SEMA3E: variants seen among roughly 807,000 people sequenced by gnomAD.
SEMA3E encodes semaphorin 3E, also known as semaphorin-3E.
SEMA3E carries 49 observed loss-of-function variants against 93.6 expected under a neutral mutation model. That is an observed-to-expected ratio of 0.52 (90% CI 0.42 to 0.66). The LOEUF (loss-of-function observed/expected upper bound fraction) is 0.66. Ranked by LOEUF, SEMA3E falls within the 30% of genes least tolerant of loss-of-function variation. The probability of loss-of-function intolerance (pLI) is 0.00; values close to 1 mark genes in which losing one functional copy is unlikely to be tolerated. For missense variants in SEMA3E, 906 were observed against 964.8 expected (o/e 0.94, Z 0.81); for synonymous variants, 363 against 330.7 (o/e 1.10, Z -1.06).
chr7:83,475,876 C>T (rs1031903256), intron 2 of SEMA3E, among the ~76,000 whole-genome samples: 3 of 152,150 alleles, frequency 2.0e-5, no homozygotes, highest in Non-Finnish European at 4.4e-5. Flanking sequence ...CTAATAATGG[C>T]AATTGCTGTA....
At chr7:83,590,513 TA>T (rs1169644507) in intron 1 of SEMA3E, among the ~76,000 whole-genome samples, 4 of 152,148 alleles carry the variant, frequency 2.6e-5, no homozygotes, top group Admixed American at 2.6e-4. Flanking sequence ...AGAGAAGCAC[TA>T]AAAAGTAGAA....
At chr7:83,500,842 C>T (rs928836789) in intron 1 of SEMA3E, among the ~76,000 whole-genome samples, 1 of 152,006 alleles carries the variant, frequency 6.6e-6, no homozygotes, top group East Asian at 1.9e-4. Flanking sequence ...CCACCTGCCT[C>T]GCCCTCCCAA....
chr7:83,402,839 C>A, intron 9 of SEMA3E, 63 bp from the exon 10 acceptor site: 2 of 1,479,600 alleles, frequency 1.4e-6, no homozygotes, highest in Non-Finnish European at 1.9e-6. Context: ...TAGCCAAATA[C>A]CCCAGCCTAC....
chr7:83,604,871 G>A (rs1173718779), intron 1 of SEMA3E, among the ~76,000 whole-genome samples: 1 of 152,066 alleles, frequency 6.6e-6, no homozygotes, highest in African/African-American at 2.4e-5. Flanking sequence ...ACTTATGAGT[G>A]AGAACACGTG....
In SEMA3E at chr7:83,537,996, G is replaced by GT. The variant is rs555248207; in HGVS notation, c.116-47723dup. Among the ~76,000 whole-genome samples, 194 of 151,764 alleles carry GT rather than the reference G, an allele frequency of 1.3e-3. 1 individual carries two copies. The highest frequency in any genetic ancestry group is 6.8e-3 in the Middle Eastern group (2 of 292). On this transcript the variant is annotated intron_variant, in intron 1 of 16. Transcript: ENST00000643230. ...TATGGTATGTGAACTTTTATAACTT[G>GT]TTTTTTTTACTTGGCATGTTTTCAA...
chr7:83,548,891 TCTC>T (rs1222156438), intron 1 of SEMA3E, among the ~76,000 whole-genome samples: 2 of 151,942 alleles, frequency 1.3e-5, no homozygotes, highest in East Asian at 1.9e-4. Context: ...TATTCCTCCC[TCTC>T]CTCCTCTGGG....
At chr7:83,531,898 G>A (rs988578) in intron 1 of SEMA3E, among the ~76,000 whole-genome samples, 53,197 of 151,974 alleles carry the variant, frequency 0.35, 10,894 homozygotes, top group Non-Finnish European at 0.44. Context: ...CATAAGATTG[G>A]CACCTATGAA....
At chr7:83,597,295 T>A (rs1471571289) in intron 1 of SEMA3E, among the ~76,000 whole-genome samples, 1 of 152,174 alleles carries the variant, frequency 6.6e-6, no homozygotes, top group Admixed American at 6.6e-5. Context: ...TGAAAGTCTC[T>A]GGTTATTGTA....
rs535126783 is a variant in SEMA3E at position 83,477,942 on chromosome 7, C to T, written c.277-8640G>A. 8.7e-5 allele frequency among the ~76,000 whole-genome samples: 13 copies of T among 149,362 alleles called. No individual in the cohort carries two copies. The South Asian group carries it at 1.9e-3, about 22-fold the overall frequency. ...TAATTTTGGCTTTTTTTTTTTGAGA[C>T]GGAGTTTCACTCTTATTGCTCAGGC... On this transcript the variant is annotated intron_variant, in intron 2 of 16. Coordinates refer to ENST00000643230, the MANE Select transcript of SEMA3E (RefSeq NM_012431.3).
intron 1 of SEMA3E, among the ~76,000 whole-genome samples, chr7:83,611,625 C>T (rs1405873003): frequency 6.6e-6 from 1 of 151,578 alleles, no homozygotes; most frequent in East Asian, 1.9e-4. Flanking sequence ...CTCTACCTCC[C>T]ATATCCTACA....
intron 2 of SEMA3E, among the ~76,000 whole-genome samples, chr7:83,483,834 T>A (rs1437356540): frequency 2.6e-5 from 4 of 152,102 alleles, no homozygotes; most frequent in Non-Finnish European, 5.9e-5. Flanking sequence ...TAAATGAAGT[T>A]AAAATTGAAG....
intron 1 of SEMA3E, chr7:83,616,816 C>T (rs926304371): frequency 5.0e-6 from 2 of 396,486 alleles, no homozygotes; most frequent in Non-Finnish European, 9.9e-6. Flanking sequence ...CCTCCACCTC[C>T]CGAGTTCAAG....
chr7:83,455,787 G>A (rs1382919999), intron 4 of SEMA3E, among the ~76,000 whole-genome samples: 1 of 152,242 alleles, frequency 6.6e-6, no homozygotes, highest in African/African-American at 2.4e-5. Context: ...GCAAGGAACT[G>A]CATGTGACCC....
rs148695834 is a variant in SEMA3E, at chr7:83,558,408, A to G, written c.116-68134T>C. 1.9e-3 allele frequency among the ~76,000 whole-genome samples: 285 copies of G among 152,260 alleles called. 1 individual carries two copies. Among genetic ancestry groups the G allele is most frequent in the African/African-American group, 6.7e-3 (278 of 41,576 alleles). ...GAATAATTTTGTGGTCTACTGTGCT[A>G]CTGGTATTTGGTTTCAAAAGACAAA... On this transcript the variant is annotated intron_variant, in intron 1 of 16. Transcript: ENST00000643230.
Position 83,363,680 on chromosome 7 carries a change from G to T in SEMA3E, c.*3906C>A, listed in dbSNP as rs991561572. On this transcript the variant is annotated 3_prime_UTR_variant, in exon 17 of 17. Coordinates refer to ENST00000643230, the MANE Select transcript of SEMA3E (RefSeq NM_012431.3). ...TATATCTGATTCAAATGCAACAGTT[G>T]TTGGCCTGAAAAATGAGTCCTTTTT... 1.1e-4 allele frequency: 16 copies of T among 152,028 alleles called. No homozygotes were observed. The highest frequency in any genetic ancestry group is 7.4e-5 in the Non-Finnish European group (5 of 68,016). The allele number at this position is 152,028 out of a possible 1,614,324, so 9.4% of individuals were successfully genotyped here. A position where few individuals can be genotyped will look rare whatever the true frequency, so the allele number is the denominator to read the frequency against.
At chr7:83,417,010 CACACAGGGAGAG>C (rs955268092) in intron 5 of SEMA3E, among the ~76,000 whole-genome samples, 3 of 66,044 alleles carry the variant, frequency 4.5e-5, no homozygotes, top group East Asian at 5.9e-4. Flanking sequence ...CACACACACA[CACACAGGGAGAG>C]AGAGAGAGAG....
intron 13 of SEMA3E, among the ~76,000 whole-genome samples, chr7:83,394,021 A>G (rs2115587827): frequency 6.6e-6 from 1 of 152,260 alleles, no homozygotes; most frequent in South Asian, 2.1e-4. Context: ...CAATGGACAT[A>G]AAGTTTCAGT....
chr7:83,375,270 T>C (rs1286927222), intron 16 of SEMA3E, among the ~76,000 whole-genome samples: 1 of 152,144 alleles, frequency 6.6e-6, no homozygotes, highest in Non-Finnish European at 1.5e-5. Flanking sequence ...AAAATGTCTC[T>C]AAAATATATT....
chr7:83,591,099 T>A (rs1792747639), intron 1 of SEMA3E, among the ~76,000 whole-genome samples: 1 of 122,998 alleles, frequency 8.1e-6, no homozygotes, highest in African/African-American at 3.5e-5. Flanking sequence ...TATCTTAGAG[T>A]TATTTGCAAA....
Sources: allele counts gnomAD v4.1 joint callset (sites outside exome capture counted in the v4.1 genomes callset), GRCh38; gene constraint gnomAD v4.1.1; transcripts MANE v1.5; gene names NCBI Gene and HGNC (gene_info 2026-07-23, HGNC 2026-07-21).